CLCA1: variants seen among roughly 807,000 people sequenced by gnomAD.
CLCA1 encodes chloride channel accessory 1, also known as calcium-activated chloride channel regulator 1.
Under a neutral mutation model 85.6 loss-of-function variants are expected in CLCA1, and 59 were observed. The ratio of observed to expected loss-of-function variants is 0.69; its 90% CI spans 0.56 to 0.86. The LOEUF (loss-of-function observed/expected upper bound fraction) is 0.86, where lower values mean the gene tolerates loss of function less well. CLCA1 is among the 40% of genes least tolerant of loss of function. CLCA1 has a pLI of 0.00. For missense variants in CLCA1, 1,022 were observed against 1,101.4 expected (o/e 0.93, Z 1.02); for synonymous variants, 396 against 398.3 (o/e 0.99, Z 0.07).
Position 86,473,478 on chromosome 1 carries a change from A to G in CLCA1, c.224A>G (p.Lys75Arg). The change falls in exon 2 of 14, where the codon AAA (lysine) becomes AGA (arginine). Residue 75 changes from lysine to arginine, a missense_variant. Coordinates refer to ENST00000394711, the MANE Select transcript of CLCA1 (RefSeq NM_001285.4). ...LEATGKRFYF[K>R]NVAILIPETW... ...GCTACAGGAAAGCGATTTTATTTCA[A>G]AAATGTTGCCATTTTGATTCCTGAA... 1 of 1,611,302 alleles carries G rather than the reference A, an allele frequency of 6.2e-7. No homozygotes were observed. The highest frequency in any genetic ancestry group is 1.1e-5 in the South Asian group (1 of 90,842).
chr1:86,482,089 T>G, intron 4 of CLCA1, 116 bp from the exon 5 acceptor site: 6 of 725,372 alleles, frequency 8.3e-6, no homozygotes, highest in Non-Finnish European at 1.4e-5. Flanking sequence ...GATGTCCTTG[T>G]TTCTTGGATC....
intron 5 of CLCA1, among the ~76,000 whole-genome samples, chr1:86,485,094 G>A (rs1369030785): frequency 1.3e-5 from 2 of 152,112 alleles, no homozygotes; most frequent in East Asian, 1.9e-4. Context: ...GTAAATTTGA[G>A]GAGTAGGAAG....
intron 7 of CLCA1, among the ~76,000 whole-genome samples, chr1:86,487,924 C>G (rs773819223): frequency 2.6e-5 from 4 of 152,206 alleles, no homozygotes; most frequent in Non-Finnish European, 5.9e-5. Context: ...CAAATTGGGC[C>G]TCTCTGGCCT....
intron 9 of CLCA1, among the ~76,000 whole-genome samples, chr1:86,491,608 C>T (rs984017660): frequency 6.6e-6 from 1 of 152,190 alleles, no homozygotes; most frequent in African/African-American, 2.4e-5. Context: ...CAGAAGTCAG[C>T]AGATAAAATG....
At position 86,495,561 on chromosome 1, in the gene CLCA1, A is replaced by G. The variant is rs1648254454; in HGVS notation, c.1999A>G (p.Thr667Ala). ...CTCAAGGTATTTCACAACTTATGAC[A>G]CGAATGGTAGATACAGTGTAAAAGT... ...VYSRYFTTYDTNGRYSVKVRA... is the reference protein window; with the variant it reads ...VYSRYFTTYDANGRYSVKVRA... The change falls in exon 12 of 14, where the codon ACG (threonine) becomes GCG (alanine). Residue 667 changes from threonine (T) to alanine (A), a missense_variant. Transcript: ENST00000394711. The G allele has an allele frequency of 6.2e-7, 1 of 1,614,112 alleles. No homozygotes were observed. The highest frequency in any genetic ancestry group is 8.5e-7 in the Non-Finnish European group (1 of 1,179,944).
chr1:86,492,626 A>T (rs1648167531), intron 9 of CLCA1, among the ~76,000 whole-genome samples: 1 of 152,208 alleles, frequency 6.6e-6, no homozygotes, highest in Non-Finnish European at 1.5e-5. Flanking sequence ...TACCTAGGAG[A>T]TAATCCTCAA....
chr1:86,485,704 T>G (rs1462362087), intron 6 of CLCA1, 143 bp downstream of exon 6: 2 of 692,716 alleles, frequency 2.9e-6, no homozygotes, highest in Non-Finnish European at 4.9e-6. Context: ...AATGCCCACT[T>G]CAACTTTGTT....
rs758706114 is a variant in CLCA1, at chr1:86,495,631, C to T, written c.2069C>T (p.Pro690Leu). ...AACGCAGCCAGACGGAGAGTGATAC[C>T]CCAGCAGAGTGGAGCACTGTACATA... ...GVNAARRRVIPQQSGALYIPG... is the reference protein window; with the variant it reads ...GVNAARRRVILQQSGALYIPG... The change falls in exon 12 of 14, where the codon CCC becomes CTC. Residue 690 changes from proline to leucine, a missense_variant. By Grantham distance (98) the Pro-to-Leu change is moderately conservative. Transcript: ENST00000394711. The T allele has an allele frequency of 6.2e-6, 10 of 1,613,864 alleles. No individual in the cohort carries two copies. In the African/African-American group the frequency reaches 1.1e-4, roughly 17 times the overall value.
At chr1:86,494,124 T>C in intron 10 of CLCA1, 63 bp from the exon 11 acceptor site, 1 of 1,581,370 alleles carries the variant, frequency 6.3e-7, no homozygotes, top group Non-Finnish European at 8.7e-7. Flanking sequence ...GTACGTGACA[T>C]TGAAGTCAGG....
Position 86,486,724 on chromosome 1 carries a change from A to G in CLCA1, c.1153A>G (p.Ile385Val), listed in dbSNP as rs200291536. 5.8e-4 allele frequency: 930 copies of G among 1,614,240 alleles called. No individual in the cohort carries two copies. Among genetic ancestry groups the G allele is most frequent in the Non-Finnish European group, 7.2e-4 (854 of 1,180,040 alleles). Reference protein sequence around the residue: ...LPAAASGGTSICSGLRSAFTV... With the variant: ...LPAAASGGTSVCSGLRSAFTV... ...TGCAGCAGCTTCAGGAGGGACGTCC[A>G]TCTGCAGCGGGCTTCGATCGGCATT... The change falls in exon 7 of 14, where the codon ATC becomes GTC. Residue 385 changes from isoleucine (I) to valine (V), a missense_variant. Coordinates refer to ENST00000394711, the MANE Select transcript of CLCA1 (RefSeq NM_001285.4).
intron 5 of CLCA1, among the ~76,000 whole-genome samples, chr1:86,484,916 TG>T (rs1647922855): frequency 2.0e-5 from 3 of 152,150 alleles, no homozygotes; most frequent in Non-Finnish European, 4.4e-5. Flanking sequence ...AAGTGGATTT[TG>T]GAGAGAGCTG....
At chr1:86,474,992 C>T (rs893101097) in intron 3 of CLCA1, among the ~76,000 whole-genome samples, 1 of 152,086 alleles carries the variant, frequency 6.6e-6, no homozygotes, top group Non-Finnish European at 1.5e-5. Context: ...CCCAAACACA[C>T]TAGAGCGCTT....
At chr1:86,486,997 A>G (rs1181649973) in intron 7 of CLCA1, among the ~76,000 whole-genome samples, 1 of 152,138 alleles carries the variant, frequency 6.6e-6, no homozygotes, top group Non-Finnish European at 1.5e-5. Context: ...TAAGCCTGCT[A>G]TTTGGGCACA....
chr1:86,469,545 C>T (rs1358756666), intron 1 of CLCA1, among the ~76,000 whole-genome samples: 1 of 152,312 alleles, frequency 6.6e-6, no homozygotes, highest in African/African-American at 2.4e-5. Flanking sequence ...ACCCCCTTCC[C>T]TGTGATCCTA....
chr1:86,490,020 T>G (rs964000070), intron 8 of CLCA1, among the ~76,000 whole-genome samples: 1 of 152,206 alleles, frequency 6.6e-6, no homozygotes. Context: ...AGCTAAGCAC[T>G]GATGCAGACC....
At chr1:86,480,348 T>C (rs1016117378) in intron 4 of CLCA1, among the ~76,000 whole-genome samples, 3 of 152,014 alleles carry the variant, frequency 2.0e-5, no homozygotes, top group African/African-American at 7.2e-5. Context: ...AACAGTAACA[T>C]CCAAATAGAA....
Position 86,499,662 on chromosome 1 carries a change from T to C in CLCA1, c.2362T>C (p.Tyr788His), listed in dbSNP as rs1314780384. 1 of 1,576,694 alleles carries C rather than the reference T, an allele frequency of 6.3e-7. No individual in the cohort carries two copies. Among genetic ancestry groups the C allele is most frequent in the East Asian group, 2.2e-5 (1 of 44,574 alleles). Residue 788 changes from tyrosine to histidine, a missense_variant, in exon 14 of 14, where the codon TAT (tyrosine) becomes CAT (histidine). Tyr to His is a moderately conservative substitution (Grantham distance 83). Transcript: ENST00000394711. ...TTCTTTTTTCTTTTTAGCTCACAAG[T>C]ATATCATTCGAATAAGTACAAGTAT... Reference protein sequence around the residue: ...DDYDHGTAHKYIIRISTSILD... With the variant: ...DDYDHGTAHKHIIRISTSILD...
intron 7 of CLCA1, among the ~76,000 whole-genome samples, chr1:86,487,571 C>T (rs150060924): frequency 6.6e-6 from 1 of 152,286 alleles, no homozygotes; most frequent in African/African-American, 2.4e-5. Flanking sequence ...CTAGTCCCTG[C>T]TGCAGGCCCT....
In CLCA1 at chr1:86,476,464, T is replaced by A. The variant is rs369276458; in HGVS notation, c.468T>A (p.His156Gln). Residue 156 changes from histidine (H) to glutamine (Q), a missense_variant, in exon 4 of 14, where the codon CAT becomes CAA. Coordinates refer to ENST00000394711, the MANE Select transcript of CLCA1 (RefSeq NM_001285.4). ...TTCTCACAGGTAGGGCATTTGTCCA[T>A]GAGTGGGCTCATCTACGATGGGGAG... ...EYGPQGRAFVHEWAHLRWGVF... is the reference protein window; with the variant it reads ...EYGPQGRAFVQEWAHLRWGVF... 3.8e-6 allele frequency: 6 copies of A among 1,594,674 alleles called. No individual in the cohort carries two copies. Among genetic ancestry groups the A allele is most frequent in the Non-Finnish European group, 5.2e-6 (6 of 1,162,920 alleles).
Sources: allele counts gnomAD v4.1 joint callset (sites outside exome capture counted in the v4.1 genomes callset), GRCh38; gene constraint gnomAD v4.1.1; transcripts MANE v1.5; gene names NCBI Gene and HGNC (gene_info 2026-07-23, HGNC 2026-07-21).